JAKMIP2: variants seen among roughly 807,000 people sequenced by gnomAD.
JAKMIP2 encodes janus kinase and microtubule interacting protein 2, also known as janus kinase and microtubule-interacting protein 2.
A neutral mutation model predicts 115.0 loss-of-function variants in JAKMIP2; 25 were observed. The observed-to-expected ratio is 0.22, with a 90% CI of 0.16 to 0.30. The LOEUF (loss-of-function observed/expected upper bound fraction) is 0.30, where lower values mean the gene tolerates loss of function less well. JAKMIP2 is among the 10% of genes least tolerant of loss of function. The probability of loss-of-function intolerance (pLI) is 1.00; values close to 1 mark genes in which losing one functional copy is unlikely to be tolerated. For synonymous variants in JAKMIP2, 334 were observed against 343.6 expected (o/e 0.97, Z 0.31); for missense variants, 642 against 957.6 (o/e 0.67, Z 4.35).
At chr5:147,737,905 TG>T (rs1753985091) in intron 1 of JAKMIP2, among the ~76,000 whole-genome samples, 1 of 152,204 alleles carries the variant, frequency 6.6e-6, no homozygotes, top group African/African-American at 2.4e-5. Context: ...ATTAAGAGCT[TG>T]GGCTTTGGAG....
At chr5:147,702,640 GAA>G (rs1453981420) in intron 1 of JAKMIP2, among the ~76,000 whole-genome samples, 3 of 123,250 alleles carry the variant, frequency 2.4e-5, no homozygotes, top group South Asian at 2.8e-4. Context: ...AAGAAAGAAA[GAA>G]AGAAAGAAAG....
intron 20 of JAKMIP2, among the ~76,000 whole-genome samples, chr5:147,604,581 A>G (rs1481541662): frequency 6.6e-6 from 1 of 152,238 alleles, no homozygotes; most frequent in East Asian, 1.9e-4. Context: ...GCAATCTGGG[A>G]TTAACCAAAT....
At chr5:147,617,886 G>C in intron 19 of JAKMIP2, 25 bp downstream of exon 19, 1 of 1,597,730 alleles carries the variant, frequency 6.3e-7, no homozygotes, top group Non-Finnish European at 8.6e-7. Flanking sequence ...CTAACCCTAC[G>C]CAGAGGCAGT....
At chr5:147,645,346 C>A (rs927937862) in intron 5 of JAKMIP2, among the ~76,000 whole-genome samples, 1 of 152,100 alleles carries the variant, frequency 6.6e-6, no homozygotes, top group Admixed American at 6.6e-5. Flanking sequence ...ATCCCTGCAC[C>A]TGGAATGACC....
At chr5:147,659,277 T>C (rs1291169985) in intron 3 of JAKMIP2, among the ~76,000 whole-genome samples, 2 of 152,164 alleles carry the variant, frequency 1.3e-5, no homozygotes, top group African/African-American at 2.4e-5. Flanking sequence ...TTCCCTTTGC[T>C]GGAGGAAGGA....
intron 20 of JAKMIP2, among the ~76,000 whole-genome samples, chr5:147,605,857 C>G (rs531189213): frequency 6.6e-6 from 1 of 152,166 alleles, no homozygotes; most frequent in Admixed American, 6.5e-5. Context: ...TGTTTCCTGA[C>G]TTTTTAATGA....
chr5:147,745,210 C>T (rs1419635077), intron 1 of JAKMIP2, among the ~76,000 whole-genome samples: 1 of 152,066 alleles, frequency 6.6e-6, no homozygotes, highest in Non-Finnish European at 1.5e-5. Context: ...CACTAAGAAA[C>T]ACTTTACCAA....
intron 11 of JAKMIP2, 113 bp downstream of exon 11, chr5:147,636,852 A>C (rs989291624): frequency 3.8e-6 from 3 of 789,628 alleles, no homozygotes; most frequent in Non-Finnish European, 6.8e-6. Context: ...TTCGAGAAAG[A>C]TCACTGTGGA....
chr5:147,666,487 A>G (rs1400804287), intron 2 of JAKMIP2, among the ~76,000 whole-genome samples: 1 of 152,212 alleles, frequency 6.6e-6, no homozygotes, highest in Non-Finnish European at 1.5e-5. Context: ...AGGGTTTAAT[A>G]TGAGTTAGGC....
At chr5:147,702,354 T>C (rs1752358842) in intron 1 of JAKMIP2, among the ~76,000 whole-genome samples, 2 of 150,200 alleles carry the variant, frequency 1.3e-5, no homozygotes, top group Admixed American at 1.3e-4. Flanking sequence ...ACAATGTACA[T>C]TGCTTGGGTG....
At position 147,729,473 on chromosome 5, in the gene JAKMIP2, A is replaced by G. The variant is rs1289525771; in HGVS notation, c.-149+52983T>C. ...GGTTAAAGCAAGGTTAGATGTTGTCACATAAAAAGCTTTGTTCTGGCCAGG... is the reference window on the plus strand; with the variant it reads ...GGTTAAAGCAAGGTTAGATGTTGTCGCATAAAAAGCTTTGTTCTGGCCAGG... On this transcript the variant is annotated intron_variant, in intron 1 of 21. Coordinates refer to ENST00000616793, the MANE Select transcript of JAKMIP2 (RefSeq NM_001270941.2). Among the ~76,000 whole-genome samples, 5 of 152,110 alleles carry G rather than the reference A, an allele frequency of 3.3e-5. 1 individual carries two copies. In the East Asian group the frequency reaches 9.7e-4, roughly 29 times the overall value.
Position 147,620,341 on chromosome 5 carries a change from C to T in JAKMIP2, c.2142+325G>A, listed in dbSNP as rs78205534. On this transcript the variant is annotated intron_variant, in intron 18 of 21. Transcript: ENST00000616793. ...TGTTGCTCACGCTGGTCTTGAATTC[C>T]TGGGCTCAAGGGATCTGCCCACCTT... Among the ~76,000 whole-genome samples, 984 of 152,196 alleles carry T rather than the reference C, an allele frequency of 6.5e-3. 52 individuals are homozygous for T. The East Asian group carries it at 0.13, about 20-fold the overall frequency.
At chr5:147,747,310 C>A (rs1170109418) in intron 1 of JAKMIP2, among the ~76,000 whole-genome samples, 1 of 152,034 alleles carries the variant, frequency 6.6e-6, no homozygotes, top group African/African-American at 2.4e-5. Flanking sequence ...TATAAACATC[C>A]CTACAAGAAA....
intron 1 of JAKMIP2, among the ~76,000 whole-genome samples, chr5:147,682,542 A>T (rs1329092722): frequency 6.6e-6 from 1 of 152,248 alleles, no homozygotes; most frequent in Non-Finnish European, 1.5e-5. Flanking sequence ...CAGGTGACTG[A>T]GTCCCAGTTA....
At chr5:147,593,754 AGATT>A (rs896282149) in intron 21 of JAKMIP2, among the ~76,000 whole-genome samples, 10 of 152,334 alleles carry the variant, frequency 6.6e-5, no homozygotes, top group Admixed American at 5.2e-4. Context: ...TTGAGAAAAT[AGATT>A]GAGTACATAT....
Position 147,720,359 on chromosome 5 carries a change from G to C in JAKMIP2, c.-148-48405C>G, listed in dbSNP as rs544897957. On this transcript the variant is annotated intron_variant, in intron 1 of 21. Transcript: ENST00000616793. ...TGCTCTTCTCGAGGAGTATCTTTGT[G>C]GCGTTCTCTGTATTTCCTGAATCTG... 8.0e-5 allele frequency among the ~76,000 whole-genome samples: 12 copies of C among 149,842 alleles called. 1 individual carries two copies. Among genetic ancestry groups the C allele is most frequent in the Middle Eastern group, 3.4e-3 (1 of 294 alleles).
intron 1 of JAKMIP2, among the ~76,000 whole-genome samples, chr5:147,693,230 T>C (rs1211867193): frequency 3.9e-5 from 6 of 152,234 alleles, no homozygotes; most frequent in African/African-American, 1.4e-4. Flanking sequence ...ACTAACTGTG[T>C]GACCTTGGGC....
chr5:147,699,420 G>C (rs1184962107), intron 1 of JAKMIP2, among the ~76,000 whole-genome samples: 3 of 152,028 alleles, frequency 2.0e-5, no homozygotes, highest in Admixed American at 2.0e-4. Context: ...AAGATCTAGG[G>C]AAGTTGTTTA....
At position 147,641,911 on chromosome 5, in the gene JAKMIP2, T is replaced by G. The variant is rs922303551; in HGVS notation, c.1225-147A>C. 3 of 626,134 alleles carry G rather than the reference T, an allele frequency of 4.8e-6. No individual in the cohort carries two copies. The African/African-American group carries it at 5.6e-5, about 12-fold the overall frequency. The allele number at this position is 626,134 out of a possible 1,614,324, so 38.8% of individuals were successfully genotyped here. A position where few individuals can be genotyped will look rare whatever the true frequency, so the allele number is the denominator to read the frequency against. ...TTTTAAATTTTGGCAACTTTTGGGA[T>G]TGATACTTAAATATATTCAAAACAA... On this transcript the variant is annotated intron_variant, in intron 7 of 21. Transcript: ENST00000616793.
Sources: allele counts gnomAD v4.1 joint callset (sites outside exome capture counted in the v4.1 genomes callset), GRCh38; gene constraint gnomAD v4.1.1; transcripts MANE v1.5; gene names NCBI Gene and HGNC (gene_info 2026-07-23, HGNC 2026-07-21).